UGT1A9: variants seen among roughly 807,000 people sequenced by gnomAD.
UGT1A9 encodes UDP glucuronosyltransferase family 1 member A9, also known as UDP-glucuronosyltransferase 1A9.
In UGT1A9, 35 loss-of-function variants were observed where a neutral mutation model predicts 45.0. The observed-to-expected ratio is 0.78, with a 90% CI of 0.59 to 1.03. The LOEUF (loss-of-function observed/expected upper bound fraction) is 1.03, where lower values mean the gene tolerates loss of function less well. Ranked by LOEUF, UGT1A9 falls within the 50% of genes least tolerant of loss-of-function variation. The pLI is 0.00. For synonymous variants in UGT1A9, 278 were observed against 250.6 expected, an observed-to-expected ratio of 1.11 and a Z score of -1.03; for missense variants, 687 against 666.6, an observed-to-expected ratio of 1.03 and a Z score of -0.34.
rs531758684 is a variant in UGT1A9, at chr2:233,682,883, G to T, written c.855+10094G>T. 9 of 1,511,366 alleles carry T rather than the reference G, an allele frequency of 6.0e-6. No individual in the cohort carries two copies. The South Asian group carries it at 1.2e-4, about 21-fold the overall frequency. The allele number at this position is 1,511,366 out of a possible 1,614,324, so 93.6% of individuals were successfully genotyped here. ...GAATCATAATTTATCATTTACATTT[G>T]TCCCATTTGGAATTTCTTTCTGGTT... On this transcript the variant is annotated intron_variant, in intron 1 of 4. Transcript: ENST00000354728.
intron 1 of UGT1A9, chr2:233,713,102 T>C: frequency 1.9e-6 from 3 of 1,614,146 alleles, no homozygotes; most frequent in Non-Finnish European, 2.5e-6. Context: ...TGCCCACTGA[T>C]GGCAGCCACT....
chr2:233,677,873 T>C (rs2074402355), intron 1 of UGT1A9, among the ~76,000 whole-genome samples: 1 of 152,146 alleles, frequency 6.6e-6, no homozygotes, highest in African/African-American at 2.4e-5. Context: ...TGCACTGGTA[T>C]GTTCATTGCA....
chr2:233,716,223 G>A (rs907028854), intron 1 of UGT1A9, among the ~76,000 whole-genome samples: 4 of 152,088 alleles, frequency 2.6e-5, no homozygotes, highest in African/African-American at 9.7e-5. Flanking sequence ...AAGAGCCCTT[G>A]TGATTACATT....
chr2:233,722,721 T>C (rs2077032481), intron 1 of UGT1A9, among the ~76,000 whole-genome samples: 1 of 152,212 alleles, frequency 6.6e-6, no homozygotes, highest in African/African-American at 2.4e-5. Flanking sequence ...TATCAGTTTT[T>C]AAATTTCTCC....
intron 1 of UGT1A9, among the ~76,000 whole-genome samples, chr2:233,724,132 C>T (rs1385895919): frequency 3.1e-4 from 38 of 120,742 alleles, no homozygotes; most frequent in South Asian, 1.8e-3. Flanking sequence ...CCTCACCTCC[C>T]GGACGGGGCG....
intron 1 of UGT1A9, among the ~76,000 whole-genome samples, chr2:233,687,583 TAAAAAAAAAA>T (rs71398794): frequency 1.9e-5 from 2 of 107,472 alleles, no homozygotes; most frequent in Non-Finnish European, 1.9e-5. Context: ...ACATTCTTTG[TAAAAAAAAAA>T]AAAAAAAAAA....
At chr2:233,680,982 G>T (rs2074504929) in intron 1 of UGT1A9, among the ~76,000 whole-genome samples, 1 of 151,992 alleles carries the variant, frequency 6.6e-6, no homozygotes, top group African/African-American at 2.4e-5. Context: ...TGGAGGCAGG[G>T]TTGTCAATCT....
chr2:233,743,915 A>G (rs769255302), intron 1 of UGT1A9: 3 of 1,364,544 alleles, frequency 2.2e-6, no homozygotes, highest in East Asian at 4.6e-5. Flanking sequence ...GTAGTCCACC[A>G]TGCTGGATGG....
intron 1 of UGT1A9, among the ~76,000 whole-genome samples, chr2:233,751,737 T>C (rs1413280184): frequency 2.0e-5 from 3 of 152,206 alleles, no homozygotes; most frequent in Admixed American, 2.0e-4. Flanking sequence ...TCCTCTCTGT[T>C]TCTCTCTTGC....
chr2:233,674,141 G>A (rs28969703), intron 1 of UGT1A9, among the ~76,000 whole-genome samples: 4,071 of 152,238 alleles, frequency 0.027, 169 homozygotes, highest in African/African-American at 0.093. Flanking sequence ...TCCTTACAAG[G>A]TTCAGTAGAC....
Position 233,744,327 on chromosome 2 carries a change from G to GAC in UGT1A9, c.856-22707_856-22706insAC, listed in dbSNP as rs1692775821. Among the ~76,000 whole-genome samples, 2 of 151,850 alleles carry GAC rather than the reference G, an allele frequency of 1.3e-5. 1 individual carries two copies. The highest frequency in any genetic ancestry group is 4.9e-5 in the African/African-American group (2 of 41,110). ...GGAGGGAAGAGGGTGGTGGGAGTGA[G>GAC]TTTAGTCTGACTGGGGCTGAAGACA... On this transcript the variant is annotated intron_variant, in intron 1 of 4. Transcript: ENST00000354728.
At chr2:233,718,272 G>A (rs551154473) in intron 1 of UGT1A9, among the ~76,000 whole-genome samples, 19 of 152,280 alleles carry the variant, frequency 1.2e-4, no homozygotes, top group Admixed American at 2.6e-4. Context: ...TGTGAAAAAA[G>A]ACCAAAACCA....
intron 1 of UGT1A9, chr2:233,722,212 AT>A (rs2077000405): frequency 6.5e-6 from 1 of 153,656 alleles, no homozygotes; most frequent in African/African-American, 2.4e-5. Context: ...ATGAAAGATC[AT>A]TTACACCAAA....
At chr2:233,701,747 G>C (rs1017552301) in intron 1 of UGT1A9, among the ~76,000 whole-genome samples, 1 of 152,128 alleles carries the variant, frequency 6.6e-6, no homozygotes, top group Non-Finnish European at 1.5e-5. Context: ...AATAACTACT[G>C]GGTACATAAC....
At position 233,713,243 on chromosome 2, in the gene UGT1A9, G is replaced by A. The variant is rs1157083757; in HGVS notation, c.855+40454G>A. ...CCCTGACAACGTATGCCATTTCATG[G>A]ACCCAGGACGAATTTGATCGCCTTT... On this transcript the variant is annotated intron_variant, in intron 1 of 4. Transcript: ENST00000354728. The A allele has an allele frequency of 1.2e-6, 2 of 1,614,222 alleles. 1 individual carries two copies. The highest frequency in any genetic ancestry group is 2.2e-5 in the South Asian group (2 of 91,088).
chr2:233,716,282 A>G (rs2076495752), intron 1 of UGT1A9, among the ~76,000 whole-genome samples: 1 of 152,186 alleles, frequency 6.6e-6, no homozygotes, highest in African/African-American at 2.4e-5. Context: ...AACCCTTAAT[A>G]TAATCACATC....
intron 1 of UGT1A9, among the ~76,000 whole-genome samples, chr2:233,695,503 G>T (rs2075293003): frequency 6.6e-6 from 1 of 151,528 alleles, no homozygotes; most frequent in African/African-American, 2.4e-5. Context: ...AAAGTTTTTG[G>T]AGTATTACAA....
chr2:233,763,382 T>G (rs1698295022), intron 1 of UGT1A9, among the ~76,000 whole-genome samples: 1 of 152,252 alleles, frequency 6.6e-6, no homozygotes, highest in South Asian at 2.1e-4. Context: ...GCTTTCTTCC[T>G]TTTTAAACAA....
chr2:233,754,758 C>T (rs1438461710), intron 1 of UGT1A9: 1 of 879,896 alleles, frequency 1.1e-6, no homozygotes, highest in Non-Finnish European at 1.7e-6. Context: ...GGAAGAAAGG[C>T]CCCCACTTCC....
Sources: allele counts gnomAD v4.1 joint callset (sites outside exome capture counted in the v4.1 genomes callset), GRCh38; gene constraint gnomAD v4.1.1; transcripts MANE v1.5; gene names NCBI Gene and HGNC (gene_info 2026-07-23, HGNC 2026-07-21).